CC2D2A: variants seen among roughly 807,000 people sequenced by gnomAD.
CC2D2A encodes coiled-coil and C2 domain containing 2A, also known as coiled-coil and C2 domain-containing protein 2A.
CC2D2A carries 155 observed loss-of-function variants against 212.9 expected under a neutral mutation model. The observed-to-expected ratio is 0.73, with a 90% confidence interval of 0.64 to 0.83. CC2D2A has a LOEUF of 0.83. CC2D2A is among the 40% of genes least tolerant of loss of function. CC2D2A has a pLI of 0.00. For synonymous variants in CC2D2A, 667 were observed against 686.5 expected (o/e 0.97, Z 0.44); for missense variants, 1,856 against 1,956.2 (o/e 0.95, Z 0.97).
At chr4:15,544,426 G>A (rs1577363535) in intron 17 of CC2D2A, among the ~76,000 whole-genome samples, 2 of 152,284 alleles carry the variant, frequency 1.3e-5, no homozygotes, top group South Asian at 4.1e-4. Flanking sequence ...GGAAGACCAA[G>A]ATTAACATGA....
Position 15,599,675 on chromosome 4 carries a change from C to T in CC2D2A, c.4643C>T (p.Ala1548Val). 1.2e-6 allele frequency: 2 copies of T among 1,612,792 alleles called. No individual in the cohort carries two copies. The highest frequency in any genetic ancestry group is 8.5e-7 in the Non-Finnish European group (1 of 1,179,056). Residue 1548 changes from alanine (A) to valine (V), a missense_variant, in exon 36 of 37, where the codon GCA becomes GTA. Transcript: ENST00000424120. The part of the protein sequence containing the change: ...QGEDVEDDHR[A>V]ELLKQLGDYR... ...GAAGATGTAGAAGATGACCACAGAG[C>T]AGAACTGCTAAAACAGCTGGGAGAC...
At chr4:15,569,676 A>G (rs1476511533) in intron 27 of CC2D2A, among the ~76,000 whole-genome samples, 2 of 152,188 alleles carry the variant, frequency 1.3e-5, no homozygotes, top group Admixed American at 6.5e-5. Flanking sequence ...GATATAGGAT[A>G]AAAAAAGATC....
At chr4:15,579,506 T>C (rs571547221) in intron 29 of CC2D2A, among the ~76,000 whole-genome samples, 101 of 152,334 alleles carry the variant, frequency 6.6e-4, no homozygotes, top group African/African-American at 2.3e-3. Flanking sequence ...TTTTAACACA[T>C]TGATATAGAT....
chr4:15,478,834 C>A, intron 3 of CC2D2A, 28 bp downstream of exon 3: 2 of 1,508,294 alleles, frequency 1.3e-6, no homozygotes, highest in Non-Finnish European at 1.8e-6. Context: ...ACTGTGTCTG[C>A]GTATTGTCAT....
At chr4:15,598,017 T>C (rs1721396078) in intron 35 of CC2D2A, among the ~76,000 whole-genome samples, 1 of 152,204 alleles carries the variant, frequency 6.6e-6, no homozygotes. Context: ...CTATTTCTAC[T>C]GTATTAAGCT....
chr4:15,538,067 C>T lies in CC2D2A; in HGVS notation c.1933C>T (p.Pro645Ser). Residue 645 changes from proline to serine, a missense_variant, in exon 16 of 37, where the codon CCT (proline) becomes TCT (serine). Coordinates refer to ENST00000424120, the MANE Select transcript of CC2D2A (RefSeq NM_001378615.1). ...RERAAQSRRR[P>S]WEPTLVPELS... ...GAGAGCAGCCCAGAGCAGGAGGAGG[C>T]CTTGGGAGCCCACGCTGGTCCCGGA... 6.2e-7 allele frequency: 1 copy of T among 1,607,342 alleles called. No individual in the cohort carries two copies. The highest frequency in any genetic ancestry group is 8.5e-7 in the Non-Finnish European group (1 of 1,177,082).
chr4:15,562,684 CA>C (rs1312685767), intron 23 of CC2D2A, among the ~76,000 whole-genome samples: 7 of 152,286 alleles, frequency 4.6e-5, no homozygotes, highest in Non-Finnish European at 1.0e-4. Context: ...TTCAACAATC[CA>C]AAGAAGTAGG....
intron 17 of CC2D2A, among the ~76,000 whole-genome samples, chr4:15,548,070 G>T (rs377306689): frequency 2.2e-4 from 33 of 149,470 alleles, no homozygotes; most frequent in African/African-American, 7.1e-4. Context: ...ATAAATAAAA[G>T]AACTTCTGCT....
chr4:15,573,207 A>G (rs1233596086), intron 28 of CC2D2A, among the ~76,000 whole-genome samples: 2 of 152,208 alleles, frequency 1.3e-5, no homozygotes, highest in African/African-American at 4.8e-5. Context: ...CAAATCTTCA[A>G]AAATGGCACA....
At chr4:15,530,627 G>A (rs763135474) in intron 13 of CC2D2A, among the ~76,000 whole-genome samples, 51 of 152,070 alleles carry the variant, frequency 3.4e-4, no homozygotes, top group Non-Finnish European at 5.0e-4. Flanking sequence ...CAATAATTCT[G>A]TGCCCTTGGA....
chr4:15,552,148 G>A (rs115099469), intron 18 of CC2D2A, among the ~76,000 whole-genome samples: 4,085 of 152,136 alleles, frequency 0.027, 86 homozygotes, highest in Non-Finnish European at 0.04. Context: ...TGCCCAGAGC[G>A]TTTTTACCAT....
intron 36 of CC2D2A, among the ~76,000 whole-genome samples, chr4:15,600,162 G>A (rs139736589): frequency 5.9e-5 from 9 of 152,226 alleles, no homozygotes; most frequent in East Asian, 3.9e-4. Flanking sequence ...AAGCAGGCTC[G>A]TAACTAAAAC....
At chr4:15,501,366 C>T (rs539229869) in intron 4 of CC2D2A, among the ~76,000 whole-genome samples, 1 of 152,268 alleles carries the variant, frequency 6.6e-6, no homozygotes, top group Admixed American at 6.5e-5. Flanking sequence ...GGGTCCCTGG[C>T]ACCTCACCCA....
At chr4:15,581,606 G>C (rs1179982691) in intron 30 of CC2D2A, among the ~76,000 whole-genome samples, 4 of 152,076 alleles carry the variant, frequency 2.6e-5, no homozygotes, top group African/African-American at 9.7e-5. Flanking sequence ...TACCATCAAT[G>C]GATAAACTAG....
At chr4:15,486,353 A>G (rs1009706282) in intron 4 of CC2D2A, among the ~76,000 whole-genome samples, 2 of 151,940 alleles carry the variant, frequency 1.3e-5, no homozygotes, top group African/African-American at 4.8e-5. Context: ...TTGTCTATTC[A>G]GATTTTATAT....
At chr4:15,543,044 C>G (rs994358036) in intron 17 of CC2D2A, among the ~76,000 whole-genome samples, 1 of 152,142 alleles carries the variant, frequency 6.6e-6, no homozygotes, top group South Asian at 2.1e-4. Context: ...CAAGGTCAAC[C>G]GCCTTGGCTT....
At chr4:15,562,294 T>C (rs575124341) in intron 23 of CC2D2A, among the ~76,000 whole-genome samples, 40 of 152,254 alleles carry the variant, frequency 2.6e-4, no homozygotes, top group Non-Finnish European at 4.9e-4. Context: ...TTATAGCCTG[T>C]GGCCAGCTCT....
At chr4:15,591,767 C>T (rs1721119596) in intron 33 of CC2D2A, among the ~76,000 whole-genome samples, 3 of 152,172 alleles carry the variant, frequency 2.0e-5, no homozygotes. Flanking sequence ...CATTAGTAAT[C>T]AAGCAGGGTT....
rs1717012680 is a variant in CC2D2A at position 15,518,498 on chromosome 4, G to A, written c.1149+1742G>A. 2.0e-5 allele frequency among the ~76,000 whole-genome samples: 3 copies of A among 152,160 alleles called. No individual in the cohort carries two copies. In the South Asian group the frequency reaches 6.2e-4, roughly 31 times the overall value. ...TGGATCTACTATTCTGGGGTCTGGA[G>A]GACAGTGGCCCTCTTCTTATAGCTC... is the stretch of plus-strand genomic sequence containing the variant. On this transcript the variant is annotated intron_variant, in intron 11 of 36. Coordinates refer to ENST00000424120, the MANE Select transcript of CC2D2A (RefSeq NM_001378615.1).
Sources: gnomAD v4.1 joint callset for allele counts (sites outside exome capture counted in the v4.1 genomes callset) on GRCh38, gnomAD v4.1.1 for gene constraint, MANE v1.5 for transcripts, NCBI Gene and HGNC (gene_info 2026-07-23, HGNC 2026-07-21) for gene names.